The following ZNF148 variants were observed in gnomAD, a reference collection of about 807,000 sequenced individuals.
ZNF148 encodes Beta-Enolase Repressor Factor-1.
ZNF148 carries 7 observed loss-of-function variants against 67.7 expected under a neutral mutation model. The ratio of observed to expected loss-of-function variants is 0.10; its 90% CI spans 0.06 to 0.19. ZNF148 has a LOEUF of 0.19. Ranked by LOEUF, ZNF148 falls within the 10% of genes least tolerant of loss-of-function variation. The pLI is 1.00. For synonymous variants in ZNF148, 333 were observed against 330.7 expected, an observed-to-expected ratio of 1.01 and a Z score of -0.08; for missense variants, 583 against 947.1, an observed-to-expected ratio of 0.62 and a Z score of 5.05.
chr3:125,305,448 TG>T (rs1939821921), intron 4 of ZNF148, among the ~76,000 whole-genome samples: 1 of 152,206 alleles, frequency 6.6e-6, no homozygotes, highest in Non-Finnish European at 1.5e-5. Flanking sequence ...CTTTAACTGC[TG>T]GACTTTAGCA....
chr3:125,372,085 C>T (rs1942910940), intron 1 of ZNF148, among the ~76,000 whole-genome samples: 2 of 149,094 alleles, frequency 1.3e-5, no homozygotes, highest in Non-Finnish European at 3.0e-5. Flanking sequence ...AAAAAAAATA[C>T]TGCAATCTGG....
chr3:125,232,769 T>A lies in ZNF148; in HGVS notation c.1957A>T (p.Thr653Ser), dbSNP rs563394589. The change falls in exon 9 of 9, where the codon ACC becomes TCC. Residue 653 changes from threonine to serine, a missense_variant. Physicochemically the swap from Thr to Ser is moderately conservative, Grantham distance 58 (BLOSUM62 1). Around this residue, in one of 5 missense-constraint regions of ZNF148, gnomAD observed 158 missense variants for 208.4 expected, o/e 0.76. Coordinates refer to ENST00000360647, the MANE Select transcript of ZNF148 (RefSeq NM_021964.3). The surrounding 1 kb of genome is among the most constrained non-coding windows in gnomAD (Gnocchi z 4.2). ...GATCGAAAGCTATTGATGGGCATGG[T>A]GGCATAGACCTGCTTGTCTATGGAA... ...FSSIDKQVYA[T>S]MPINSFRSGM... 40 of 1,613,924 alleles carry A rather than the reference T, an allele frequency of 2.5e-5. No individual in the cohort carries two copies. Among genetic ancestry groups the A allele is most frequent in the South Asian group, 9.9e-5 (9 of 91,082 alleles).
chr3:125,374,001 C>G (rs994919055), intron 1 of ZNF148, among the ~76,000 whole-genome samples: 2 of 152,174 alleles, frequency 1.3e-5, no homozygotes, highest in South Asian at 2.1e-4. Context: ...TCCATTCCAG[C>G]GTTTGCCAGG....
chr3:125,367,803 T>C (rs1685941920), intron 1 of ZNF148, among the ~76,000 whole-genome samples: 1 of 152,264 alleles, frequency 6.6e-6, no homozygotes, highest in Non-Finnish European at 1.5e-5. Context: ...GGCCAAGTAA[T>C]TTGTGGGGTA....
intron 2 of ZNF148, 130 bp downstream of exon 2, chr3:125,331,028 T>C (rs1053921767): frequency 2.5e-6 from 1 of 394,588 alleles, no homozygotes; most frequent in South Asian, 1.4e-4. Context: ...GTTATTTATA[T>C]GAATATAAAA....
At chr3:125,317,714 T>TATATA (rs200094699) in intron 3 of ZNF148, among the ~76,000 whole-genome samples, 25 of 123,330 alleles carry the variant, frequency 2.0e-4, no homozygotes, top group African/African-American at 6.9e-4. Flanking sequence ...TATATATATA[T>TATATA]TTTTTTTTTT....
chr3:125,310,109 T>TTTTTTTTTAAAAGACAGACTG (rs1331082308), intron 4 of ZNF148, among the ~76,000 whole-genome samples: 3 of 146,846 alleles, frequency 2.0e-5, no homozygotes, highest in African/African-American at 7.6e-5. Context: ...AGACAGAGTT[T>TTTTTTTTTAAAAGACAGACTG]CACTCTGTCA....
intron 4 of ZNF148, among the ~76,000 whole-genome samples, chr3:125,295,065 C>T (rs1939211080): frequency 6.6e-6 from 1 of 152,000 alleles, no homozygotes; most frequent in African/African-American, 2.4e-5. Context: ...TGTATTTTTC[C>T]ACATATGAAC....
intron 7 of ZNF148, among the ~76,000 whole-genome samples, chr3:125,234,900 A>C (rs1170358900): frequency 2.0e-5 from 3 of 152,138 alleles, no homozygotes; most frequent in Admixed American, 1.3e-4. Context: ...AATGAATTAA[A>C]CTGAGTATTG....
chr3:125,272,698 T>G (rs1194451229), intron 7 of ZNF148, among the ~76,000 whole-genome samples: 1 of 152,176 alleles, frequency 6.6e-6, no homozygotes, highest in Non-Finnish European at 1.5e-5. Flanking sequence ...CTCTTTTATG[T>G]CTTTATTGGG....
chr3:125,303,096 A>T (rs1005143620), intron 4 of ZNF148, among the ~76,000 whole-genome samples: 4 of 152,246 alleles, frequency 2.6e-5, no homozygotes, highest in African/African-American at 9.6e-5. Context: ...TGAGTGAAAA[A>T]AATAGTCAAT....
intron 1 of ZNF148, among the ~76,000 whole-genome samples, chr3:125,371,813 C>T (rs968341332): frequency 2.6e-5 from 4 of 151,906 alleles, no homozygotes; most frequent in Non-Finnish European, 4.4e-5. Flanking sequence ...GACTGTAATC[C>T]CAGCATTTTG....
chr3:125,288,012 T>C (rs1026533872), intron 5 of ZNF148, 91 bp downstream of exon 5: 13 of 1,566,300 alleles, frequency 8.3e-6, no homozygotes, highest in African/African-American at 1.4e-5. Context: ...CTTCTACATC[T>C]GCCTTAGGGT....
At chr3:125,327,904 A>AT (rs1294085074) in intron 2 of ZNF148, among the ~76,000 whole-genome samples, 3 of 152,290 alleles carry the variant, frequency 2.0e-5, no homozygotes, top group Admixed American at 6.5e-5. Flanking sequence ...GAAGAGTCTC[A>AT]TATGTATCCT....
chr3:125,367,099 T>C (rs936910205), intron 1 of ZNF148, among the ~76,000 whole-genome samples: 1 of 152,220 alleles, frequency 6.6e-6, no homozygotes, highest in Non-Finnish European at 1.5e-5. Flanking sequence ...CTTTTGCATA[T>C]AACAAATGTG....
intron 7 of ZNF148, among the ~76,000 whole-genome samples, chr3:125,235,551 T>TTAAGTTTCCA: frequency 6.6e-6 from 1 of 152,264 alleles, no homozygotes; most frequent in Middle Eastern, 3.4e-3. Context: ...AAAGGTATCT[T>TTAAGTTTCCA]TAAGTTTCCA....
chr3:125,318,287 G>A (rs1940614788), intron 3 of ZNF148, among the ~76,000 whole-genome samples: 1 of 152,094 alleles, frequency 6.6e-6, no homozygotes, highest in African/African-American at 2.4e-5. Context: ...GATCAGCCAA[G>A]TGTAAAGAAA....
intron 5 of ZNF148, among the ~76,000 whole-genome samples, chr3:125,281,382 A>G (rs1395457812): frequency 1.3e-5 from 2 of 152,374 alleles, no homozygotes; most frequent in East Asian, 3.9e-4. Context: ...AAAATATTTT[A>G]TACATAAAAC....
chr3:125,357,833 A>G (rs948652966), intron 1 of ZNF148: 1 of 152,258 alleles, frequency 6.6e-6, no homozygotes, highest in Non-Finnish European at 1.5e-5. Flanking sequence ...GTATTATCAC[A>G]CAGCCTGACA....
Sources: gnomAD v4.1 joint callset for allele counts (sites outside exome capture counted in the v4.1 genomes callset) on GRCh38, gnomAD v4.1.1 for gene constraint, gnomAD v4.1.1 regional missense constraint, Gnocchi (gnomAD v3.1) non-coding constraint, MANE v1.5 for transcripts, NCBI Gene and HGNC (gene_info 2026-07-23, HGNC 2026-07-21) for gene names.